Variants in NPAS3 observed in about 807,000 individuals in gnomAD.
NPAS3 encodes neuronal PAS domain protein 3, also known as neuronal PAS domain-containing protein 3.
A neutral mutation model predicts 73.1 loss-of-function variants in NPAS3; 14 were observed. That is an observed-to-expected ratio of 0.19 (90% CI 0.13 to 0.30). The LOEUF (loss-of-function observed/expected upper bound fraction) is 0.30. NPAS3 is among the 10% of genes least tolerant of loss of function. NPAS3 has a pLI of 1.00. For missense variants in NPAS3, 1,096 were observed against 1,250.0 expected (o/e 0.88, Z 1.86); for synonymous variants, 620 against 541.5 (o/e 1.14, Z -2.01).
chr14:33,587,100 C>T (rs2056889000), intron 5 of NPAS3, among the ~76,000 whole-genome samples: 1 of 152,164 alleles, frequency 6.6e-6, no homozygotes, highest in South Asian at 2.1e-4. Flanking sequence ...ATCTGTATTT[C>T]CCCTACATAT....
chr14:33,012,687 T>C (rs2039250860), intron 1 of NPAS3, among the ~76,000 whole-genome samples: 1 of 152,118 alleles, frequency 6.6e-6, no homozygotes, highest in African/African-American at 2.4e-5. Flanking sequence ...TAGCTGGGAT[T>C]ACAGGCGCCC....
intron 4 of NPAS3, among the ~76,000 whole-genome samples, chr14:33,367,569 T>C (rs1330305827): frequency 2.0e-5 from 3 of 149,510 alleles, no homozygotes; most frequent in Non-Finnish European, 1.5e-5. Context: ...GTTGTGTGCG[T>C]GCTGTATTTG....
chr14:33,079,573 C>CTCCGAAAG (rs1555333590), intron 2 of NPAS3, among the ~76,000 whole-genome samples: 1 of 141,168 alleles, frequency 7.1e-6, no homozygotes, highest in Admixed American at 7.3e-5. Flanking sequence ...CCGCCTCGGC[C>CTCCGAAAG]TCCCAAAGTG....
chr14:33,713,611 A>C (rs1212966797), intron 6 of NPAS3, among the ~76,000 whole-genome samples: 1 of 152,152 alleles, frequency 6.6e-6, no homozygotes, highest in African/African-American at 2.4e-5. Context: ...TTGCTTCGAG[A>C]TACATCTTGA....
chr14:33,727,195 A>AG (rs2061291534), intron 6 of NPAS3, among the ~76,000 whole-genome samples: 1 of 74,606 alleles, frequency 1.3e-5, no homozygotes, highest in African/African-American at 5.3e-5. Flanking sequence ...ACTGGCAACC[A>AG]GCTACCGCCC....
At position 33,351,359 on chromosome 14, in the gene NPAS3, G is replaced by A. The variant is rs73258836; in HGVS notation, c.386-15827G>A. Among the ~76,000 whole-genome samples, 394 of 152,276 alleles carry A rather than the reference G, an allele frequency of 2.6e-3. 5 individuals are homozygous for A. Among genetic ancestry groups the A allele is most frequent in the African/African-American group, 9.2e-3 (381 of 41,554 alleles). ...ACAGAGGGGTAAAATGCTGCAGTCT[G>A]TTTGGTTTCTTCTACTCTGTATCCT... On this transcript the variant is annotated intron_variant, in intron 3 of 11. Coordinates refer to ENST00000356141, the Ensembl canonical transcript of NPAS3.
chr14:33,276,370 T>C (rs756353361), intron 3 of NPAS3, among the ~76,000 whole-genome samples: 6 of 152,086 alleles, frequency 3.9e-5, no homozygotes, highest in Non-Finnish European at 1.5e-5. Context: ...TTGTAGATCT[T>C]ATCTGAAATT....
intron 3 of NPAS3, among the ~76,000 whole-genome samples, chr14:33,345,439 T>C (rs1003361375): frequency 1.6e-4 from 25 of 152,232 alleles, no homozygotes; most frequent in African/African-American, 6.0e-4. Context: ...GACAAAACTT[T>C]ATTATGCCAC....
At chr14:33,803,434 A>T (rs1470222853), downstream of NPAS3, 1 of 152,202 alleles carries the variant, frequency 6.6e-6, no homozygotes, top group African/African-American at 2.4e-5. Flanking sequence ...AAGAAGTTAA[A>T]TGCCACAAAT....
intron 7 of NPAS3, among the ~76,000 whole-genome samples, chr14:33,744,548 G>T (rs184174411): frequency 2.8e-4 from 43 of 152,258 alleles, no homozygotes; most frequent in African/African-American, 1.0e-3. Context: ...GGCATTCTGG[G>T]AGGCGAAGGT....
intron 3 of NPAS3, among the ~76,000 whole-genome samples, chr14:33,289,292 A>T (rs1288186200): frequency 6.6e-6 from 1 of 152,126 alleles, no homozygotes; most frequent in Non-Finnish European, 1.5e-5. Context: ...TTTGCATTTG[A>T]CCATGATGAT....
intron 5 of NPAS3, among the ~76,000 whole-genome samples, chr14:33,665,351 G>A (rs970702926): frequency 2.0e-5 from 3 of 152,082 alleles, no homozygotes; most frequent in Non-Finnish European, 4.4e-5. Flanking sequence ...TGTAGATGAC[G>A]TGTTGATGGG....
intron 4 of NPAS3, among the ~76,000 whole-genome samples, chr14:33,379,301 G>A (rs768311732): frequency 2.7e-5 from 4 of 150,828 alleles, no homozygotes; most frequent in Non-Finnish European, 5.9e-5. Context: ...TTCCTGAGTT[G>A]CTATTTTACC....
At chr14:33,506,579 C>T (rs2052773499) in intron 4 of NPAS3, among the ~76,000 whole-genome samples, 1 of 151,988 alleles carries the variant, frequency 6.6e-6, no homozygotes, top group Admixed American at 6.6e-5. Flanking sequence ...CCATCCAAAC[C>T]ATCTTCTACG....
intron 7 of NPAS3, among the ~76,000 whole-genome samples, chr14:33,753,898 C>A (rs1342026408): frequency 6.6e-6 from 1 of 152,162 alleles, no homozygotes; most frequent in African/African-American, 2.4e-5. Flanking sequence ...AAGCTTGCCT[C>A]CCACAGTTCC....
At chr14:33,239,067 C>T (rs2048132117) in intron 3 of NPAS3, among the ~76,000 whole-genome samples, 1 of 151,888 alleles carries the variant, frequency 6.6e-6, no homozygotes, top group Non-Finnish European at 1.5e-5. Flanking sequence ...ATGAAACCAG[C>T]ATGTTTATGT....
At chr14:33,354,600 C>T (rs757213150) in intron 3 of NPAS3, among the ~76,000 whole-genome samples, 16 of 152,194 alleles carry the variant, frequency 1.1e-4, no homozygotes, top group Non-Finnish European at 1.8e-4. Flanking sequence ...CTCAATTCTG[C>T]GCCTCAGGCC....
At chr14:33,720,924 A>G (rs1288907784) in intron 6 of NPAS3, among the ~76,000 whole-genome samples, 1 of 152,172 alleles carries the variant, frequency 6.6e-6, no homozygotes, top group Non-Finnish European at 1.5e-5. Flanking sequence ...GGGTAGTGAA[A>G]ATACAATGTA....
chr14:33,182,908 G>T (rs2045846491), intron 2 of NPAS3, among the ~76,000 whole-genome samples: 1 of 152,140 alleles, frequency 6.6e-6, no homozygotes, highest in Non-Finnish European at 1.5e-5. Flanking sequence ...TGTCTCTCAT[G>T]CTCTGCCTTC....
Sources: allele counts gnomAD v4.1 joint callset (sites outside exome capture counted in the v4.1 genomes callset), GRCh38; gene constraint gnomAD v4.1.1; transcripts MANE v1.5; gene names NCBI Gene and HGNC (gene_info 2026-07-23, HGNC 2026-07-21).